Variants in LRRC4C observed in about 807,000 individuals in gnomAD.
LRRC4C encodes leucine rich repeat containing 4C.
LRRC4C carries 5 observed loss-of-function variants against 33.6 expected under a neutral mutation model. The ratio of observed to expected loss-of-function variants is 0.15; its 90% CI spans 0.08 to 0.31. The LOEUF is 0.31. Ranked by LOEUF, LRRC4C falls within the 10% of genes least tolerant of loss-of-function variation. The pLI, the probability that LRRC4C is intolerant of heterozygous loss-of-function variation, is 1.00. For synonymous variants in LRRC4C, 329 were observed against 302.0 expected, an observed-to-expected ratio of 1.09 and a Z score of -0.93; for missense variants, 560 against 796.7, an observed-to-expected ratio of 0.70 and a Z score of 3.58.
intron 1 of LRRC4C, among the ~76,000 whole-genome samples, chr11:41,042,998 T>C (rs1220905865): frequency 2.9e-5 from 3 of 104,138 alleles, no homozygotes; most frequent in Admixed American, 9.8e-5. Flanking sequence ...GCCACCTGTT[T>C]TGTTTTTTTT....
intron 2 of LRRC4C, among the ~76,000 whole-genome samples, chr11:40,661,773 G>T (rs1437429440): frequency 5.9e-5 from 9 of 152,244 alleles, no homozygotes; most frequent in Admixed American, 4.6e-4. Flanking sequence ...ACTGCTATAT[G>T]CTCTATTGGG....
chr11:40,412,620 C>A (rs1178099204), intron 3 of LRRC4C, among the ~76,000 whole-genome samples: 1 of 152,074 alleles, frequency 6.6e-6, no homozygotes, highest in Non-Finnish European at 1.5e-5. Context: ...AAGTGCTTGA[C>A]TTGGCCACCT....
chr11:41,374,002 T>G (rs1952850423), intron 1 of LRRC4C, among the ~76,000 whole-genome samples: 1 of 152,174 alleles, frequency 6.6e-6, no homozygotes, highest in African/African-American at 2.4e-5. Flanking sequence ...TTTCATATCA[T>G]ATCAATACAT....
intron 1 of LRRC4C, among the ~76,000 whole-genome samples, chr11:41,027,383 G>A (rs1856447354): frequency 1.3e-5 from 2 of 151,520 alleles, no homozygotes; most frequent in African/African-American, 4.8e-5. Flanking sequence ...TTCTGACTCA[G>A]TCTTCAATTA....
chr11:41,044,109 A>G (rs1857615008), intron 1 of LRRC4C, among the ~76,000 whole-genome samples: 1 of 152,118 alleles, frequency 6.6e-6, no homozygotes, highest in African/African-American at 2.4e-5. Flanking sequence ...TTAGAAGCCA[A>G]ATTGTGAGTG....
intron 1 of LRRC4C, among the ~76,000 whole-genome samples, chr11:41,059,225 T>TTTTTTTTTTTA (rs1858881986): frequency 1.3e-5 from 2 of 149,580 alleles, no homozygotes; most frequent in Admixed American, 6.7e-5. Context: ...TTTTTTTTTT[T>TTTTTTTTTTTA]AAGAAAAAGA....
At chr11:40,798,524 TTA>T (rs1950917312) in intron 2 of LRRC4C, among the ~76,000 whole-genome samples, 1 of 152,194 alleles carries the variant, frequency 6.6e-6, no homozygotes, top group Non-Finnish European at 1.5e-5. Flanking sequence ...ATATTTAAAA[TTA>T]TAAGTAATAG....
intron 1 of LRRC4C, among the ~76,000 whole-genome samples, chr11:41,395,517 T>G (rs1953774231): frequency 6.6e-6 from 1 of 151,924 alleles, no homozygotes; most frequent in Non-Finnish European, 1.5e-5. Flanking sequence ...CAAATAATAA[T>G]ACAAAAGAAA....
At chr11:40,852,739 A>C (rs1388732847) in intron 2 of LRRC4C, among the ~76,000 whole-genome samples, 1 of 152,242 alleles carries the variant, frequency 6.6e-6, no homozygotes, top group East Asian at 1.9e-4. Context: ...CATAATTAAT[A>C]GGAATAGAAC....
At chr11:41,165,749 G>T (rs576508509) in intron 1 of LRRC4C, among the ~76,000 whole-genome samples, 1 of 152,222 alleles carries the variant, frequency 6.6e-6, no homozygotes, top group East Asian at 1.9e-4. Flanking sequence ...TTAAAAAGGG[G>T]CCGGGCATAG....
At chr11:40,377,938 A>G (rs1036194763) in intron 3 of LRRC4C, among the ~76,000 whole-genome samples, 4 of 152,064 alleles carry the variant, frequency 2.6e-5, no homozygotes, top group Non-Finnish European at 5.9e-5. Flanking sequence ...AAAAGAAGGA[A>G]TTACCCAGTA....
At chr11:41,409,973 G>T (rs975316755) in intron 1 of LRRC4C, among the ~76,000 whole-genome samples, 1 of 152,148 alleles carries the variant, frequency 6.6e-6, no homozygotes, top group Non-Finnish European at 1.5e-5. Context: ...TTTGTACCGT[G>T]TAAGAAAATA....
At chr11:40,902,567 C>A (rs1956252326) in intron 2 of LRRC4C, among the ~76,000 whole-genome samples, 1 of 152,062 alleles carries the variant, frequency 6.6e-6, no homozygotes, top group Non-Finnish European at 1.5e-5. Flanking sequence ...CCAGATAGGC[C>A]AAAAGCTAGA....
chr11:41,013,166 A>G (rs1855333247), intron 1 of LRRC4C, among the ~76,000 whole-genome samples: 1 of 152,200 alleles, frequency 6.6e-6, no homozygotes, highest in East Asian at 1.9e-4. Flanking sequence ...AGTGAAATTC[A>G]ACTGAAAAAG....
At chr11:40,278,722 T>C (rs891058989) in intron 4 of LRRC4C, among the ~76,000 whole-genome samples, 2 of 152,266 alleles carry the variant, frequency 1.3e-5, no homozygotes, top group South Asian at 2.1e-4. Flanking sequence ...AATTAACCCT[T>C]GTAGCAAGTT....
intron 1 of LRRC4C, among the ~76,000 whole-genome samples, chr11:41,262,192 AT>A (rs1949003934): frequency 1.3e-5 from 2 of 152,064 alleles, no homozygotes; most frequent in Admixed American, 1.3e-4. Context: ...CAATGGCCAG[AT>A]TTTGTTTGAA....
chr11:40,713,055 A>ATTT (rs34787819), intron 2 of LRRC4C, among the ~76,000 whole-genome samples: 1 of 136,928 alleles, frequency 7.3e-6, no homozygotes, highest in South Asian at 2.4e-4. Flanking sequence ...TGCCTGGCTA[A>ATTT]TTTTTTTTTT....
At chr11:40,865,919 CAATAT>C (rs1413956772) in intron 2 of LRRC4C, among the ~76,000 whole-genome samples, 2 of 150,548 alleles carry the variant, frequency 1.3e-5, no homozygotes, top group African/African-American at 2.4e-5. Context: ...AAACTATGTT[CAATAT>C]GAGTTTGAAA....
intron 1 of LRRC4C, among the ~76,000 whole-genome samples, chr11:41,428,772 T>A (rs1245442862): frequency 6.6e-6 from 1 of 152,144 alleles, no homozygotes; most frequent in African/African-American, 2.4e-5. Flanking sequence ...AATCACCTAT[T>A]TTAACCAGAT....
Sources: allele counts gnomAD v4.1 joint callset (sites outside exome capture counted in the v4.1 genomes callset), GRCh38; gene constraint gnomAD v4.1.1; transcripts MANE v1.5; gene names NCBI Gene and HGNC (gene_info 2026-07-23, HGNC 2026-07-21).